Variants in XIRP2 observed in about 807,000 individuals in gnomAD.
The protein encoded by XIRP2 is xin actin binding repeat containing 2.
In XIRP2, 236 loss-of-function variants were observed where a neutral mutation model predicts 277.0. The observed-to-expected ratio is 0.85, with a 90% CI of 0.77 to 0.95. The LOEUF (loss-of-function observed/expected upper bound fraction) is 0.95, where lower values mean the gene tolerates loss of function less well. Among genes scored for constraint, XIRP2 ranks in the 40% least tolerant of loss-of-function variants. The pLI is 0.00. For missense variants in XIRP2, 4,640 were observed against 4,157.5 expected, an observed-to-expected ratio of 1.12 and a Z score of -3.19; for synonymous variants, 1,490 against 1,416.5, an observed-to-expected ratio of 1.05 and a Z score of -1.17.
chr2:167,038,029 A>G (rs1688562660), intron 2 of XIRP2, among the ~76,000 whole-genome samples: 1 of 152,126 alleles, frequency 6.6e-6, no homozygotes, highest in South Asian at 2.1e-4. Flanking sequence ...AGCATTAGGA[A>G]AAAACAATTT....
intron 3 of XIRP2, among the ~76,000 whole-genome samples, chr2:167,187,740 G>T (rs115184168): frequency 6.6e-6 from 1 of 152,094 alleles, no homozygotes; most frequent in Non-Finnish European, 1.5e-5. Context: ...TTGCAGAATA[G>T]CATTTTTCAT....
intron 2 of XIRP2, among the ~76,000 whole-genome samples, chr2:166,943,453 C>T (rs2105385917): frequency 6.6e-6 from 1 of 152,264 alleles, no homozygotes; most frequent in African/African-American, 2.4e-5. Context: ...TCAGAAGATC[C>T]AGCAAGGTAT....
chr2:167,201,344 A>AGAACGAAGGAAGGAAGGAAGGAAGGAAG (rs1553498981), intron 3 of XIRP2, among the ~76,000 whole-genome samples: 1 of 103,152 alleles, frequency 9.7e-6, no homozygotes, highest in African/African-American at 4.4e-5. Flanking sequence ...AAGGAAGGAA[A>AGAACGAAGGAAGGAAGGAAGGAAGGAAG]GAAGGAAGGA....
chr2:166,927,589 C>A (rs964486501), intron 2 of XIRP2, among the ~76,000 whole-genome samples: 1 of 152,110 alleles, frequency 6.6e-6, no homozygotes, highest in Admixed American at 6.6e-5. Flanking sequence ...GACTCTGACC[C>A]CCGCTTCTAC....
chr2:167,068,203 A>G (rs1574222109), intron 2 of XIRP2, among the ~76,000 whole-genome samples: 2 of 152,326 alleles, frequency 1.3e-5, no homozygotes, highest in African/African-American at 2.4e-5. Context: ...CTTAATACAG[A>G]TATTCTTCTC....
chr2:167,243,336 A>G lies in XIRP2; in HGVS notation c.1944A>G (p.Arg648=). 1 of 1,614,136 alleles carries G rather than the reference A, an allele frequency of 6.2e-7. No homozygotes were observed. Among genetic ancestry groups the G allele is most frequent in the African/African-American group, 1.3e-5 (1 of 75,040 alleles). Residue 648 remains arginine, a synonymous_variant, in exon 9 of 11, where the codon AGA becomes AGG. Coordinates refer to ENST00000409195, the MANE Select transcript of XIRP2 (RefSeq NM_152381.6). ...ENAEKIPELA[R]GDVCTARWMF... Reference sequence around the variant, plus strand: ...CAGAGAAAATTCCTGAGCTAGCCAGAGGAGATGTCTGCACAGCTCGGTGGA... The same window carrying G: ...CAGAGAAAATTCCTGAGCTAGCCAGGGGAGATGTCTGCACAGCTCGGTGGA...
chr2:167,030,170 G>T (rs774324956), intron 2 of XIRP2, among the ~76,000 whole-genome samples: 1 of 152,140 alleles, frequency 6.6e-6, no homozygotes, highest in South Asian at 2.1e-4. Flanking sequence ...CAAGCTGCTG[G>T]ATTCATTGAT....
chr2:166,907,562 C>A (rs1233625650), intron 2 of XIRP2, among the ~76,000 whole-genome samples: 1 of 151,658 alleles, frequency 6.6e-6, no homozygotes, highest in East Asian at 1.9e-4. Flanking sequence ...CTCAACTCTG[C>A]ATCTCTCCTC....
intron 3 of XIRP2, among the ~76,000 whole-genome samples, chr2:167,145,483 C>T (rs1411391975): frequency 6.6e-6 from 1 of 152,054 alleles, no homozygotes; most frequent in Non-Finnish European, 1.5e-5. Flanking sequence ...CCACAGTGTT[C>T]CAATGAATTA....
Position 167,243,807 on chromosome 2 carries a change from G to T in XIRP2, c.2415G>T (p.Val805=). The T allele has an allele frequency of 1.2e-6, 2 of 1,614,032 alleles. No homozygotes were observed. The highest frequency in any genetic ancestry group is 1.7e-6 in the Non-Finnish European group (2 of 1,179,968). ...ISMEENVKGG[V]SKAKWLFETQ... ...TGGAAGAAAATGTCAAAGGTGGGGT[G>T]AGTAAGGCAAAGTGGTTATTTGAAA... The change falls in exon 9 of 11, where the codon GTG becomes GTT. Residue 805 remains valine (V), a synonymous_variant. Transcript: ENST00000409195.
Position 167,258,649 on chromosome 2 carries a change from A to G in XIRP2, c.*832A>G. 6.2e-7 allele frequency: 1 copy of G among 1,611,712 alleles called. No homozygotes were observed. The highest frequency in any genetic ancestry group is 1.1e-5 in the South Asian group (1 of 90,742). The stretch of plus-strand genomic sequence containing the variant: ...ATGAGATGATGCCAGAAAATCATAA[A>G]GAAAATTTGAATAAGAATAATAATA... On this transcript the variant is annotated 3_prime_UTR_variant, in exon 11 of 11. Coordinates refer to ENST00000409195, the MANE Select transcript of XIRP2 (RefSeq NM_152381.6).
intron 3 of XIRP2, among the ~76,000 whole-genome samples, chr2:167,172,640 T>C (rs1364755583): frequency 1.3e-5 from 2 of 150,880 alleles, no homozygotes; most frequent in African/African-American, 4.9e-5. Flanking sequence ...TTTCTCCTAT[T>C]TGCTTTTGAA....
At chr2:167,022,719 G>A (rs995854070) in intron 2 of XIRP2, among the ~76,000 whole-genome samples, 3 of 151,800 alleles carry the variant, frequency 2.0e-5, no homozygotes, top group East Asian at 1.9e-4. Context: ...TTGTCCTTGC[G>A]GTAGTTTACT....
Position 167,057,135 on chromosome 2 carries a change from A to AATC in XIRP2, c.409-78758_409-78756dup, listed in dbSNP as rs533104173. 1.2e-4 allele frequency among the ~76,000 whole-genome samples: 18 copies of AATC among 152,164 alleles called. No homozygotes were observed. The South Asian group carries it at 3.5e-3, about 30-fold the overall frequency. ...TATTATCTATTACCATCATCAACAC[A>AATC]ATCATCATCATCATCATCGTCATCT... On this transcript the variant is annotated intron_variant, in intron 2 of 10. Coordinates refer to ENST00000409195, the MANE Select transcript of XIRP2 (RefSeq NM_152381.6).
Position 167,258,709 on chromosome 2 carries a change from C to T in XIRP2, c.*892C>T. Reference sequence around the variant, plus strand: ...TAGCAGTCTCATATCTGAATAATTGCAGGCAGAAGACATCTATTTTAGAAT... The same window carrying T: ...TAGCAGTCTCATATCTGAATAATTGTAGGCAGAAGACATCTATTTTAGAAT... On this transcript the variant is annotated 3_prime_UTR_variant, in exon 11 of 11. Transcript: ENST00000409195. 1.2e-6 allele frequency: 2 copies of T among 1,613,112 alleles called. No individual in the cohort carries two copies. The highest frequency in any genetic ancestry group is 8.5e-7 in the Non-Finnish European group (1 of 1,179,540).
At chr2:166,974,610 C>T (rs1174720944) in intron 2 of XIRP2, among the ~76,000 whole-genome samples, 1 of 151,628 alleles carries the variant, frequency 6.6e-6, no homozygotes, top group African/African-American at 2.4e-5. Context: ...ATAAATATTG[C>T]AAACAGTAGC....
At chr2:166,974,130 G>A (rs191541632) in intron 2 of XIRP2, among the ~76,000 whole-genome samples, 3 of 152,128 alleles carry the variant, frequency 2.0e-5, no homozygotes, top group Non-Finnish European at 4.4e-5. Context: ...TGCTGATTGC[G>A]ATCTGTGTTT....
Position 166,948,417 on chromosome 2 carries a change from G to A in XIRP2, c.408+44527G>A, listed in dbSNP as rs77890589. On this transcript the variant is annotated intron_variant, in intron 2 of 10. Transcript: ENST00000409195. ...TAAAAAGTCTACTATGTGGTAGCTG[G>A]ACGTTATACAGTTATCTGACTATCT... is the stretch of plus-strand genomic sequence containing the variant. Among the ~76,000 whole-genome samples the A allele has an allele frequency of 5.4e-3, 827 of 152,118 alleles. 62 individuals are homozygous for A. In the East Asian group the frequency reaches 0.14, roughly 26 times the overall value.
chr2:167,144,403 G>A (rs950319048), intron 3 of XIRP2, among the ~76,000 whole-genome samples: 2 of 152,006 alleles, frequency 1.3e-5, no homozygotes. Context: ...CCTAGCCAGA[G>A]GGTCTCAGGA....
Sources: allele counts gnomAD v4.1 joint callset (sites outside exome capture counted in the v4.1 genomes callset), GRCh38; gene constraint gnomAD v4.1.1; transcripts MANE v1.5; gene names NCBI Gene and HGNC (gene_info 2026-07-23, HGNC 2026-07-21).